Variants in SLC4A8 observed in about 807,000 individuals in gnomAD.
The protein encoded by SLC4A8 is electroneutral sodium bicarbonate exchanger 1.
SLC4A8 carries 40 observed loss-of-function variants against 125.0 expected under a neutral mutation model. The observed-to-expected ratio is 0.32, with a 90% CI of 0.25 to 0.42. The LOEUF (loss-of-function observed/expected upper bound fraction) is 0.42, where lower values mean the gene tolerates loss of function less well. SLC4A8 is among the 10% of genes least tolerant of loss of function. SLC4A8 has a pLI of 1.00. For missense variants in SLC4A8, 863 were observed against 1,355.1 expected (o/e 0.64, Z 5.70); for synonymous variants, 456 against 476.0 (o/e 0.96, Z 0.55).
rs1363706769 is a variant in SLC4A8, at chr12:51,394,331, G to A, written c.-112+2843G>A. 5.9e-5 allele frequency among the ~76,000 whole-genome samples: 9 copies of A among 152,360 alleles called. 3 individuals are homozygous for A. The highest frequency in any genetic ancestry group is 5.9e-4 in the Admixed American group (9 of 15,304). ...TGACTTGGAATCCTCAGAATAATTA[G>A]CTGCCTAATTTGGAGGTTCATGAGT... On this transcript the variant is annotated intron_variant, in intron 1 of 24. Transcript: ENST00000358657.
chr12:51,470,360 A>G (rs759180764), intron 12 of SLC4A8, 32 bp from the exon 13 acceptor site: 21 of 1,610,894 alleles, frequency 1.3e-5, no homozygotes, highest in Middle Eastern at 1.6e-4. Flanking sequence ...CTGATGGGCT[A>G]TGGACTCAGT....
At chr12:51,483,918 G>A (rs545057190) in intron 16 of SLC4A8, among the ~76,000 whole-genome samples, 3 of 152,132 alleles carry the variant, frequency 2.0e-5, no homozygotes, top group Admixed American at 6.5e-5. Context: ...GCCCCGGTGT[G>A]TGATGTTCCC....
chr12:51,469,545 A>C, intron 11 of SLC4A8, 69 bp from the exon 12 acceptor site: 1 of 1,388,008 alleles, frequency 7.2e-7, no homozygotes, highest in Non-Finnish European at 1.0e-6. Flanking sequence ...ATGCTTTCAA[A>C]TGTGTGCTGT....
chr12:51,445,917 T>C (rs951610081), intron 2 of SLC4A8, among the ~76,000 whole-genome samples: 6 of 152,180 alleles, frequency 3.9e-5, no homozygotes, highest in Admixed American at 1.3e-4. Context: ...TCCCCAGCCC[T>C]TGGGACAGGA....
chr12:51,458,849 G>A (rs1950234768), intron 7 of SLC4A8, among the ~76,000 whole-genome samples, 199 bp downstream of exon 7: 1 of 152,196 alleles, frequency 6.6e-6, no homozygotes, highest in Non-Finnish European at 1.5e-5. Flanking sequence ...TGACTCAACA[G>A]TTTCTTTCTC....
chr12:51,476,869 G>T (rs1028432749), intron 16 of SLC4A8, among the ~76,000 whole-genome samples: 6 of 147,774 alleles, frequency 4.1e-5, no homozygotes, highest in African/African-American at 1.2e-4. Context: ...ACCTATACAT[G>T]TATAATACAG....
rs550845465 is a variant in SLC4A8 at position 51,457,714 on chromosome 12, C to G, written c.763+175C>G. Among the ~76,000 whole-genome samples, 158 of 152,276 alleles carry G rather than the reference C, an allele frequency of 1.0e-3. 1 individual carries two copies. The highest frequency in any genetic ancestry group is 3.6e-3 in the African/African-American group (150 of 41,536). ...TGGTGGCTGGGACTGGTGCTCATCT[C>G]TCTCTCACGGCATTCCTCAGATAGG... is the stretch of plus-strand genomic sequence containing the variant. On this transcript the variant is annotated intron_variant, in intron 6 of 24. Transcript: ENST00000453097.
chr12:51,504,973 AG>A (rs1203562277), intron 23 of SLC4A8, among the ~76,000 whole-genome samples: 1 of 152,232 alleles, frequency 6.6e-6, no homozygotes, highest in Non-Finnish European at 1.5e-5. Flanking sequence ...AAAGGAAAAG[AG>A]CAGGATATCT....
chr12:51,510,597 G>A lies in SLC4A8; in HGVS notation c.*3159G>A, dbSNP rs1035294391. On this transcript the variant is annotated 3_prime_UTR_variant, in exon 25 of 25. Transcript: ENST00000453097. ...CCAAGTACACTGTATCAAACTTGCC[G>A]TCTGTAAGATGCAAGATCAATCTAG... 90 of 152,112 alleles carry A rather than the reference G, an allele frequency of 5.9e-4. No individual in the cohort carries two copies. The highest frequency in any genetic ancestry group is 1.9e-3 in the African/African-American group (79 of 41,410). 9.4% of individuals were successfully genotyped at this position (152,112 alleles called of 1,614,324 possible).
At chr12:51,424,697 C>T (rs1948897165), upstream of SLC4A8, 1 of 436,510 alleles carries the variant, frequency 2.3e-6, no homozygotes, top group Non-Finnish European at 4.1e-6. Context: ...GGCAACCGGG[C>T]CCGGGAGCGG....
chr12:51,467,608 G>A lies in SLC4A8; in HGVS notation c.1350-2006G>A, dbSNP rs1382961769. On this transcript the variant is annotated intron_variant, in intron 11 of 24. Coordinates refer to ENST00000453097, the MANE Select transcript of SLC4A8 (RefSeq NM_001039960.3). ...CAGAAGGAAAGAAAGAGCTTGCCAA[G>A]CCTCCTTCCGTGAGAGAGTAGCTTG... Among the ~76,000 whole-genome samples the A allele has an allele frequency of 6.6e-5, 10 of 152,142 alleles. No homozygotes were observed. In the East Asian group the frequency reaches 1.5e-3, roughly 23 times the overall value.
In SLC4A8 at chr12:51,512,531, C is replaced by T. The variant is rs1315316972; in HGVS notation, c.*5093C>T. The T allele has an allele frequency of 6.6e-6, 1 of 152,246 alleles. No individual in the cohort carries two copies. Among genetic ancestry groups the T allele is most frequent in the Non-Finnish European group, 1.5e-5 (1 of 68,072 alleles). The allele number at this position is 152,246 out of a possible 1,614,324, so 9.4% of individuals were successfully genotyped here. On this transcript the variant is annotated 3_prime_UTR_variant, in exon 25 of 25. Coordinates refer to ENST00000453097, the MANE Select transcript of SLC4A8 (RefSeq NM_001039960.3). ...CTTCCACCAAACACTCAATCCGAGT[C>T]CTGGCTGCTTTCTTGCTTAGGTCTG...
chr12:51,471,898 A>G (rs2138307878), intron 14 of SLC4A8, among the ~76,000 whole-genome samples: 1 of 152,330 alleles, frequency 6.6e-6, no homozygotes, highest in African/African-American at 2.4e-5. Context: ...CTATGTTATC[A>G]AGTGAGAGAA....
intron 2 of SLC4A8, 60 bp from the exon 3 acceptor site, chr12:51,450,815 TG>T: frequency 1.3e-6 from 2 of 1,568,440 alleles, no homozygotes; most frequent in Non-Finnish European, 1.7e-6. Context: ...CTAGGCTTTT[TG>T]TTGTTGTTGT....
chr12:51,405,005 A>C (rs557818742), intron 1 of SLC4A8, among the ~76,000 whole-genome samples: 1 of 152,296 alleles, frequency 6.6e-6, no homozygotes, highest in East Asian at 1.9e-4. Flanking sequence ...AGGGCTGTCT[A>C]TGTTCATGAA....
intron 1 of SLC4A8, among the ~76,000 whole-genome samples, chr12:51,417,096 T>C (rs560614363): frequency 6.6e-6 from 1 of 150,672 alleles, no homozygotes; most frequent in South Asian, 2.2e-4. Context: ...TGAGACCCCC[T>C]GTCTCAAAAA....
At position 51,515,387 on chromosome 12, in the gene SLC4A8, A is replaced by T. The variant is rs1938497431; in HGVS notation, c.*7949A>T. On this transcript the variant is annotated 3_prime_UTR_variant, in exon 25 of 25. Coordinates refer to ENST00000453097, the MANE Select transcript of SLC4A8 (RefSeq NM_001039960.3). ...ATGGTGTCAGGTGGAGAACAGAGCA[A>T]CCTTCCCTCGGAAGGAGACAATTCG... 1 of 152,118 alleles carries T rather than the reference A, an allele frequency of 6.6e-6. No individual in the cohort carries two copies. The highest frequency in any genetic ancestry group is 2.4e-5 in the African/African-American group (1 of 41,398). 9.4% of individuals were successfully genotyped at this position (152,118 alleles called of 1,614,324 possible).
intron 3 of SLC4A8, 64 bp from the exon 4 acceptor site, chr12:51,452,060 A>C: frequency 6.6e-7 from 1 of 1,519,984 alleles, no homozygotes; most frequent in Non-Finnish European, 9.1e-7. Flanking sequence ...TAGGTAAGGA[A>C]GAATGCTATT....
At chr12:51,470,976 C>T (rs1384289895) in intron 13 of SLC4A8, among the ~76,000 whole-genome samples, 1 of 152,002 alleles carries the variant, frequency 6.6e-6, no homozygotes, top group African/African-American at 2.4e-5. Flanking sequence ...CAAGTAGCAG[C>T]TCATGGGACT....
Sources: gnomAD v4.1 joint callset for allele counts (sites outside exome capture counted in the v4.1 genomes callset) on GRCh38, gnomAD v4.1.1 for gene constraint, MANE v1.5 for transcripts, NCBI Gene and HGNC (gene_info 2026-07-23, HGNC 2026-07-21) for gene names.